Variants in SNTG1 observed in about 807,000 individuals in gnomAD.
The protein encoded by SNTG1 is syntrophin gamma 1.
Under a neutral mutation model 74.7 loss-of-function variants are expected in SNTG1, and 39 were observed. That is an observed-to-expected ratio of 0.52 (90% CI 0.40 to 0.68). The LOEUF is 0.68. Among genes scored for constraint, SNTG1 ranks in the 30% least tolerant of loss-of-function variants. The pLI, the probability that SNTG1 is intolerant of heterozygous loss-of-function variation, is 0.00. For missense variants in SNTG1, 685 were observed against 609.5 expected, an observed-to-expected ratio of 1.12 and a Z score of -1.30; for synonymous variants, 254 against 217.1, an observed-to-expected ratio of 1.17 and a Z score of -1.49.
chr8:50,670,691 A>G (rs2131341166), intron 15 of SNTG1, among the ~76,000 whole-genome samples: 1 of 144,618 alleles, frequency 6.9e-6, no homozygotes, highest in South Asian at 2.4e-4. Context: ...GGAAAAAACT[A>G]CTTTAAAGTT....
At chr8:50,354,614 A>G (rs945161261) in intron 2 of SNTG1, among the ~76,000 whole-genome samples, 1 of 152,124 alleles carries the variant, frequency 6.6e-6, no homozygotes, top group African/African-American at 2.4e-5. Flanking sequence ...TTGTCTTATA[A>G]CAAATTACCA....
At chr8:49,918,092 T>A (rs887679064) in intron 1 of SNTG1, among the ~76,000 whole-genome samples, 20 of 152,188 alleles carry the variant, frequency 1.3e-4, no homozygotes, top group African/African-American at 4.8e-4. Flanking sequence ...CAGTCAGATT[T>A]TTTCCAGACC....
rs531967536 is a variant in SNTG1 at position 50,317,700 on chromosome 8, C to T, written c.-27-76512C>T. ...AGAGCTAGAACACATTCTTACTTTC[C>T]TTTTCTTCTCTGTGTCCTTATGACA... is the stretch of plus-strand genomic sequence containing the variant. On this transcript the variant is annotated intron_variant, in intron 2 of 18. Coordinates refer to ENST00000642720, the MANE Select transcript of SNTG1 (RefSeq NM_018967.5). Among the ~76,000 whole-genome samples, 7 of 152,290 alleles carry T rather than the reference C, an allele frequency of 4.6e-5. No homozygotes were observed. In the East Asian group the frequency reaches 1.4e-3, roughly 29 times the overall value.
chr8:50,174,284 G>A (rs2082914396), intron 2 of SNTG1, among the ~76,000 whole-genome samples: 1 of 152,168 alleles, frequency 6.6e-6, no homozygotes, highest in African/African-American at 2.4e-5. Flanking sequence ...TGTGAATAGT[G>A]CTGCAGTAGA....
At chr8:50,747,561 C>A (rs1481655497) in intron 17 of SNTG1, among the ~76,000 whole-genome samples, 1 of 151,984 alleles carries the variant, frequency 6.6e-6, no homozygotes, top group Non-Finnish European at 1.5e-5. Context: ...ATTAGTTATA[C>A]AATTAAGGTA....
At chr8:50,222,371 G>C (rs2085113197) in intron 2 of SNTG1, among the ~76,000 whole-genome samples, 1 of 152,034 alleles carries the variant, frequency 6.6e-6, no homozygotes, top group South Asian at 2.1e-4. Context: ...AATGACCAAG[G>C]GTAGTTTGGA....
At chr8:50,487,706 G>A (rs2093810872) in intron 8 of SNTG1, among the ~76,000 whole-genome samples, 1 of 148,202 alleles carries the variant, frequency 6.7e-6, no homozygotes, top group African/African-American at 2.5e-5. Flanking sequence ...AGGGGGGGGA[G>A]GGATAGCACT....
At chr8:50,503,176 A>T (rs2093978747) in intron 9 of SNTG1, among the ~76,000 whole-genome samples, 1 of 152,204 alleles carries the variant, frequency 6.6e-6, no homozygotes, top group African/African-American at 2.4e-5. Context: ...ATTAAATTTC[A>T]TCAGAATATT....
chr8:49,993,953 A>G (rs1813936018), intron 1 of SNTG1, among the ~76,000 whole-genome samples: 2 of 152,146 alleles, frequency 1.3e-5, no homozygotes, highest in Admixed American at 1.3e-4. Flanking sequence ...GCATGTAAAC[A>G]TATGGGGAAA....
chr8:50,649,269 G>A (rs1036365072), intron 13 of SNTG1, among the ~76,000 whole-genome samples: 3 of 152,038 alleles, frequency 2.0e-5, no homozygotes, highest in Admixed American at 1.3e-4. Context: ...AGTCCGAGGT[G>A]GGTGAATAAC....
intron 2 of SNTG1, among the ~76,000 whole-genome samples, chr8:50,185,746 C>T (rs921046070): frequency 2.0e-5 from 3 of 151,792 alleles, no homozygotes; most frequent in African/African-American, 4.8e-5. Flanking sequence ...AAACTTTTAT[C>T]TATTAATGTA....
intron 11 of SNTG1, among the ~76,000 whole-genome samples, chr8:50,545,089 G>T (rs1400008889): frequency 6.6e-6 from 1 of 151,808 alleles, no homozygotes; most frequent in Non-Finnish European, 1.5e-5. Context: ...AAATTATTTA[G>T]CTTGGCTCAA....
At chr8:50,239,067 G>C (rs1277536197) in intron 2 of SNTG1, among the ~76,000 whole-genome samples, 1 of 152,126 alleles carries the variant, frequency 6.6e-6, no homozygotes, top group Admixed American at 6.6e-5. Context: ...TCAGTCACAC[G>C]AAAACCAGCT....
intron 1 of SNTG1, among the ~76,000 whole-genome samples, chr8:49,946,241 C>A (rs2129384113): frequency 6.6e-6 from 1 of 152,242 alleles, no homozygotes; most frequent in Admixed American, 6.5e-5. Flanking sequence ...AATCTGACTC[C>A]TGGCTACTTT....
At position 50,708,864 on chromosome 8, in the gene SNTG1, CA is replaced by C. The variant is rs751790214; in HGVS notation, c.1192-20del. 3.3e-6 allele frequency: 5 copies of C among 1,527,514 alleles called. No individual in the cohort carries two copies. In the Admixed American group the frequency reaches 6.7e-5, roughly 20 times the overall value. The allele number at this position is 1,527,514 out of a possible 1,614,324, so 94.6% of individuals were successfully genotyped here. ...ATTGCATCAATAACATGAAAAGTAACAATACTTTCTGTTCTACCTAGTGCAA... is the reference window on the plus strand; with the variant it reads ...ATTGCATCAATAACATGAAAAGTAACATACTTTCTGTTCTACCTAGTGCAA... On this transcript the variant is annotated intron_variant, in intron 16 of 18. Transcript: ENST00000642720.
At chr8:50,124,999 G>A (rs895098829) in intron 1 of SNTG1, among the ~76,000 whole-genome samples, 1 of 141,814 alleles carries the variant, frequency 7.1e-6, no homozygotes, top group African/African-American at 2.5e-5. Context: ...CTATAAGATA[G>A]TTACTTATCT....
chr8:50,410,017 T>TA (rs1428835947), intron 4 of SNTG1, among the ~76,000 whole-genome samples: 2 of 152,238 alleles, frequency 1.3e-5, no homozygotes, highest in Non-Finnish European at 2.9e-5. Flanking sequence ...CCTTGTGGAA[T>TA]AAAACACACA....
At chr8:50,323,211 G>T (rs2090600810) in intron 2 of SNTG1, among the ~76,000 whole-genome samples, 1 of 150,714 alleles carries the variant, frequency 6.6e-6, no homozygotes, top group Admixed American at 6.6e-5. Flanking sequence ...CAATCTCTTT[G>T]TTAAATATAT....
chr8:50,263,301 C>T (rs2087290056), intron 2 of SNTG1, among the ~76,000 whole-genome samples: 1 of 152,080 alleles, frequency 6.6e-6, no homozygotes, highest in Non-Finnish European at 1.5e-5. Context: ...GAGGTAAAGA[C>T]ATGGAGTACA....
Sources: allele counts gnomAD v4.1 joint callset (sites outside exome capture counted in the v4.1 genomes callset), GRCh38; gene constraint gnomAD v4.1.1; transcripts MANE v1.5; gene names NCBI Gene and HGNC (gene_info 2026-07-23, HGNC 2026-07-21).